GPR63: variants seen among roughly 807,000 people sequenced by gnomAD.
GPR63 encodes G protein-coupled receptor 63, also known as probable G protein-coupled receptor 63.
In GPR63, 12 loss-of-function variants were observed where a neutral mutation model predicts 23.1. That is an observed-to-expected ratio of 0.52 (90% CI 0.33 to 0.84). The LOEUF is 0.84. Ranked by LOEUF, GPR63 falls within the 40% of genes least tolerant of loss-of-function variation. The probability of loss-of-function intolerance (pLI) is 0.02; values close to 1 mark genes in which losing one functional copy is unlikely to be tolerated. For synonymous variants in GPR63, 172 were observed against 191.1 expected (o/e 0.90, Z 0.82); for missense variants, 472 against 515.6 (o/e 0.92, Z 0.82).
In GPR63 at chr6:96,799,610, C is replaced by A; in HGVS notation, c.122G>T (p.Ser41Ile). 1 of 1,614,130 alleles carries A rather than the reference C, an allele frequency of 6.2e-7. No individual in the cohort carries two copies. Among genetic ancestry groups the A allele is most frequent in the South Asian group, 1.1e-5 (1 of 91,080 alleles). Residue 41 changes from serine to isoleucine, a missense_variant, in exon 2 of 2, where the codon AGT (serine) becomes ATT (isoleucine). Transcript: ENST00000229955. ...TTCAAAACTATATCTAAGCAATGGACTGAGGTCAGGATGCTGGAATGGTGG... is the reference window on the plus strand; with the variant it reads ...TTCAAAACTATATCTAAGCAATGGAATGAGGTCAGGATGCTGGAATGGTGG... ...LPPPFQHPDL[S>I]PLLRYSFETM... is the part of the protein sequence containing the mutation.
chr6:96,820,739 T>A (rs4839875), intron 1 of GPR63, among the ~76,000 whole-genome samples: 81,351 of 151,916 alleles, frequency 0.54, 21,949 homozygotes, highest in East Asian at 0.73. Context: ...CTCACTTTTT[T>A]AACCTGTTCC....
In GPR63 at chr6:96,798,424, T is replaced by C. The variant is rs937893828; in HGVS notation, c.*48A>G. ...AGAGGCTATGAGAAAGAGAATTCAA[T>C]GTCAATAAAGAACAAGCATCACCCA... On this transcript the variant is annotated 3_prime_UTR_variant, in exon 2 of 2. Coordinates refer to ENST00000229955, the MANE Select transcript of GPR63 (RefSeq NM_030784.4). 7 of 1,572,606 alleles carry C rather than the reference T, an allele frequency of 4.5e-6. No homozygotes were observed. Among genetic ancestry groups the C allele is most frequent in the Non-Finnish European group, 6.0e-6 (7 of 1,157,920 alleles).
chr6:96,816,826 G>A lies in GPR63; in HGVS notation c.-150-16945C>T, dbSNP rs142759823. Reference sequence around the variant, plus strand: ...GCGTTCTGGGTTCATGGAAAGGTTGGGGGAAACAACATCTGAAAGATGTCA... The same window carrying A: ...GCGTTCTGGGTTCATGGAAAGGTTGAGGGAAACAACATCTGAAAGATGTCA... On this transcript the variant is annotated intron_variant, in intron 1 of 1. Transcript: ENST00000229955. 4.5e-3 allele frequency among the ~76,000 whole-genome samples: 679 copies of A among 152,196 alleles called. 6 individuals are homozygous for A. Among genetic ancestry groups the A allele is most frequent in the East Asian group, 0.031 (163 of 5,176 alleles).
chr6:96,820,665 G>A (rs573440640), intron 1 of GPR63, among the ~76,000 whole-genome samples: 3 of 151,972 alleles, frequency 2.0e-5, no homozygotes, highest in Admixed American at 6.6e-5. Flanking sequence ...GCTATTCCAC[G>A]AGAATTTTTT....
At chr6:96,808,813 T>C (rs948361353) in intron 1 of GPR63, among the ~76,000 whole-genome samples, 3 of 152,160 alleles carry the variant, frequency 2.0e-5, no homozygotes, top group Non-Finnish European at 2.9e-5. Context: ...TTAGGGTACA[T>C]GTGCACAATG....
chr6:96,831,444 A>C (rs1165399464), intron 1 of GPR63, among the ~76,000 whole-genome samples: 1 of 152,164 alleles, frequency 6.6e-6, no homozygotes, highest in Non-Finnish European at 1.5e-5. Context: ...CAAAAAAAAA[A>C]AAAACTGTAG....
intron 1 of GPR63, among the ~76,000 whole-genome samples, chr6:96,832,639 G>T (rs1475183420): frequency 2.6e-5 from 4 of 151,994 alleles, no homozygotes; most frequent in African/African-American, 4.8e-5. Context: ...TATCATGAGG[G>T]TGGAGGGTAG....
At chr6:96,831,093 T>C (rs1282078496) in intron 1 of GPR63, among the ~76,000 whole-genome samples, 1 of 152,220 alleles carries the variant, frequency 6.6e-6, no homozygotes, top group East Asian at 1.9e-4. Flanking sequence ...GGCAGCAAAG[T>C]GCAGAAAACA....
At chr6:96,820,811 T>C (rs1241001425) in intron 1 of GPR63, among the ~76,000 whole-genome samples, 1 of 152,194 alleles carries the variant, frequency 6.6e-6, no homozygotes, top group Non-Finnish European at 1.5e-5. Flanking sequence ...CATTTAATTT[T>C]TCCTTAATCT....
rs2127938259 is a variant in GPR63 at position 96,796,827 on chromosome 6, AC to A, written c.*1644del. On this transcript the variant is annotated 3_prime_UTR_variant, in exon 2 of 2. Coordinates refer to ENST00000229955, the MANE Select transcript of GPR63 (RefSeq NM_030784.4). ...TTTAATTTCTCAATAATTGTCAGTC[AC>A]TTGTTTTGCAAATCAAAAACAAAAA... 6.6e-6 allele frequency: 1 copy of A among 151,154 alleles called. No homozygotes were observed. Among genetic ancestry groups the A allele is most frequent in the Non-Finnish European group, 1.5e-5 (1 of 68,000 alleles). 9.4% of individuals were successfully genotyped at this position (151,154 alleles called of 1,614,324 possible).
In GPR63 at chr6:96,795,129, T is replaced by G. The variant is rs1582237535; in HGVS notation, c.*3343A>C. ...CATTCCTGGGCTCAACCACAGACCC[T>G]CTGGAGGCCCAGGAATCTGTACTGT... On this transcript the variant is annotated 3_prime_UTR_variant, in exon 2 of 2. Transcript: ENST00000229955. 1 of 152,184 alleles carries G rather than the reference T, an allele frequency of 6.6e-6. No homozygotes were observed. The highest frequency in any genetic ancestry group is 1.5e-5 in the Non-Finnish European group (1 of 68,026). The allele number at this position is 152,184 out of a possible 1,614,324, so 9.4% of individuals were successfully genotyped here.
intron 1 of GPR63, among the ~76,000 whole-genome samples, chr6:96,810,967 A>C (rs577126758): frequency 6.6e-6 from 1 of 152,284 alleles, no homozygotes; most frequent in African/African-American, 2.4e-5. Flanking sequence ...TATCTGACCT[A>C]ACACAAAGCT....
intron 1 of GPR63, among the ~76,000 whole-genome samples, chr6:96,830,876 A>G (rs34212968): frequency 0.27 from 40,744 of 151,932 alleles, 5,468 homozygotes; most frequent in South Asian, 0.31. Flanking sequence ...TGTAGTAGCC[A>G]GAGTGATACT....
rs764549623 is a variant in GPR63, at chr6:96,798,616, G to A, written c.1116C>T (p.Tyr372=). The change falls in exon 2 of 2, where the codon TAC becomes TAT. Residue 372 remains tyrosine, a synonymous_variant. Coordinates refer to ENST00000229955, the MANE Select transcript of GPR63 (RefSeq NM_030784.4). ...LKSALNPLIY[Y]WRIKKFHDAC... ...CATCATGGAATTTCTTAATCCTCCA[G>A]TAGTAGATCAGCGGATTCAATGCAG... The A allele has an allele frequency of 5.6e-6, 9 of 1,614,090 alleles. No individual in the cohort carries two copies. The highest frequency in any genetic ancestry group is 7.6e-6 in the Non-Finnish European group (9 of 1,180,050).
intron 1 of GPR63, among the ~76,000 whole-genome samples, chr6:96,814,368 T>C (rs1174574803): frequency 6.6e-6 from 1 of 152,072 alleles, no homozygotes; most frequent in Non-Finnish European, 1.5e-5. Flanking sequence ...AGAAAAAAAA[T>C]TTCAGATGTG....
Position 96,798,453 on chromosome 6 carries a change from T to C in GPR63, c.*19A>G, listed in dbSNP as rs781776811. 3 of 1,605,288 alleles carry C rather than the reference T, an allele frequency of 1.9e-6. No homozygotes were observed. The highest frequency in any genetic ancestry group is 1.7e-5 in the Admixed American group (1 of 59,640). On this transcript the variant is annotated 3_prime_UTR_variant, in exon 2 of 2. Coordinates refer to ENST00000229955, the MANE Select transcript of GPR63 (RefSeq NM_030784.4). ...AATAAAGAACAAGCATCACCCAAAA[T>C]GTCAGCCAGTTCCAATATTCACACC...
chr6:96,836,591 G>A (rs1774734351), intron 1 of GPR63, among the ~76,000 whole-genome samples: 1 of 142,308 alleles, frequency 7.0e-6, no homozygotes, highest in Admixed American at 7.1e-5. Flanking sequence ...ATAAAGATAT[G>A]TTGTTGGATT....
intron 1 of GPR63, among the ~76,000 whole-genome samples, chr6:96,822,523 C>T (rs1333343991): frequency 6.6e-6 from 1 of 152,178 alleles, no homozygotes; most frequent in Non-Finnish European, 1.5e-5. Flanking sequence ...CCTTCACTTG[C>T]CATCTTTCCC....
intron 1 of GPR63, among the ~76,000 whole-genome samples, chr6:96,831,196 G>T (rs971011477): frequency 6.6e-6 from 1 of 152,134 alleles, no homozygotes; most frequent in Admixed American, 6.6e-5. Context: ...GTGGGCAAGA[G>T]GGCAGATGGC....
Sources: allele counts gnomAD v4.1 joint callset (sites outside exome capture counted in the v4.1 genomes callset), GRCh38; gene constraint gnomAD v4.1.1; transcripts MANE v1.5; gene names NCBI Gene and HGNC (gene_info 2026-07-23, HGNC 2026-07-21).